SLC25A25: variants seen among roughly 807,000 people sequenced by gnomAD.
SLC25A25 encodes the protein solute carrier family 25 member 25, also known as mitochondrial adenyl nucleotide antiporter SLC25A25.
In SLC25A25, 32 loss-of-function variants were observed where a neutral mutation model predicts 57.7. That is an observed-to-expected ratio of 0.55 (90% CI 0.42 to 0.74). SLC25A25 has a LOEUF of 0.74. Among genes scored for constraint, SLC25A25 ranks in the 30% least tolerant of loss-of-function variants. SLC25A25 has a pLI of 0.00. For missense variants in SLC25A25, 556 were observed against 701.3 expected (o/e 0.79, Z 2.34); for synonymous variants, 306 against 291.2 (o/e 1.05, Z -0.52).
At chr9:128,098,767 C>T (rs374996908) in intron 1 of SLC25A25, 35 of 1,602,450 alleles carry the variant, frequency 2.2e-5, no homozygotes, top group South Asian at 6.7e-5. Context: ...CGCATTCAAC[C>T]GGTATTTGTT....
chr9:128,076,378 G>A (rs1440223323), intron 1 of SLC25A25, among the ~76,000 whole-genome samples: 2 of 151,904 alleles, frequency 1.3e-5, no homozygotes, highest in African/African-American at 2.4e-5. Flanking sequence ...TGATCCTCTC[G>A]CCTTGGCCTC....
At chr9:128,087,347 C>T (rs762831283) in intron 1 of SLC25A25, among the ~76,000 whole-genome samples, 4 of 152,018 alleles carry the variant, frequency 2.6e-5, no homozygotes, top group Non-Finnish European at 4.4e-5. Flanking sequence ...CTGCAACCTC[C>T]GCCTTTTGGG....
chr9:128,104,130 C>G (rs1235687674), intron 6 of SLC25A25, among the ~76,000 whole-genome samples: 1 of 152,156 alleles, frequency 6.6e-6, no homozygotes, highest in African/African-American at 2.4e-5. Flanking sequence ...TCTGTAAGTA[C>G]GTTTTGTGTA....
intron 1 of SLC25A25, among the ~76,000 whole-genome samples, chr9:128,088,894 GC>G (rs1320309784): frequency 1.3e-5 from 2 of 152,082 alleles, no homozygotes; most frequent in African/African-American, 4.8e-5. Context: ...GACTTTCTGT[GC>G]CTAAAAACAG....
chr9:128,106,008 G>A (rs1002160450), intron 7 of SLC25A25, 127 bp downstream of exon 7: 157 of 1,523,708 alleles, frequency 1.0e-4, no homozygotes, highest in East Asian at 2.9e-4. Context: ...ACAGCAGGGC[G>A]AGGCAGGAGG....
chr9:128,097,027 A>G (rs770618057), intron 1 of SLC25A25, among the ~76,000 whole-genome samples: 7 of 152,258 alleles, frequency 4.6e-5, no homozygotes, highest in Non-Finnish European at 1.0e-4. Flanking sequence ...GTGTGTAAGT[A>G]TCAACATCTT....
intron 1 of SLC25A25, among the ~76,000 whole-genome samples, chr9:128,081,440 T>C (rs1467897164): frequency 6.6e-6 from 1 of 152,170 alleles, no homozygotes; most frequent in Non-Finnish European, 1.5e-5. Flanking sequence ...ACAGGGTGGG[T>C]ACAACAAGTA....
intron 1 of SLC25A25, among the ~76,000 whole-genome samples, chr9:128,076,935 A>G (rs377146600): frequency 3.3e-5 from 5 of 152,248 alleles, no homozygotes; most frequent in East Asian, 3.9e-4. Context: ...CGCCCTTTCT[A>G]TTGTGAACCT....
intron 1 of SLC25A25, among the ~76,000 whole-genome samples, chr9:128,084,849 A>G (rs1833240638): frequency 6.6e-6 from 1 of 152,194 alleles, no homozygotes; most frequent in Admixed American, 6.6e-5. Flanking sequence ...TTATTTCTGC[A>G]GGTATTAACC....
intron 1 of SLC25A25, among the ~76,000 whole-genome samples, chr9:128,082,302 A>G (rs1400615299): frequency 6.6e-6 from 1 of 152,216 alleles, no homozygotes; most frequent in Non-Finnish European, 1.5e-5. Context: ...GTCATCTGCC[A>G]TACCTTAGTT....
At position 128,102,092 on chromosome 9, in the gene SLC25A25, C is replaced by T; in HGVS notation, c.489C>T (p.Gly163=). 6.4e-7 allele frequency: 1 copy of T among 1,550,610 alleles called. No individual in the cohort carries two copies. The highest frequency in any genetic ancestry group is 8.7e-7 in the Non-Finnish European group (1 of 1,146,990). ...GTCTGTCTGTCAGAATACGAACGGG[C>T]CATTTCTGGGGCCCTGTCACCTAGT... ...AEKILKRIRT[G]HFWGPVTYMD... is the part of the protein sequence containing the mutation. The change falls in exon 4 of 11, where the codon GGC becomes GGT. Residue 163 remains glycine (G), a synonymous_variant. Coordinates refer to ENST00000373069, the MANE Select transcript of SLC25A25 (RefSeq NM_001330988.2). This position sits in a 1 kb window ranked among gnomAD's most constrained non-coding sequence, Gnocchi z 4.1.
At chr9:128,091,308 A>G (rs1833397411) in intron 1 of SLC25A25, 1 of 409,090 alleles carries the variant, frequency 2.4e-6, no homozygotes, top group Non-Finnish European at 3.3e-6. Context: ...CTCCCTGCAG[A>G]ATTGCCGGGC....
chr9:128,101,466 G>A lies in SLC25A25; in HGVS notation c.476+70G>A, dbSNP rs540674086. 9.7e-5 allele frequency: 149 copies of A among 1,537,728 alleles called. 3 individuals carry two copies. In the South Asian group the frequency reaches 1.1e-3, roughly 12 times the overall value. On this transcript the variant is annotated intron_variant, in intron 3 of 10. Coordinates refer to ENST00000373069, the MANE Select transcript of SLC25A25 (RefSeq NM_001330988.2). The surrounding 1 kb of genome is among the most constrained non-coding windows in gnomAD (Gnocchi z 4.9). ...GGGAAGGCTCTGAGACTAACCCTCC[G>A]ATGCCATTCCCTGGGCTGACCCTGA...
rs183432658 is a variant in SLC25A25, at chr9:128,103,229, C to T, written c.625-452C>T. Among the ~76,000 whole-genome samples the T allele has an allele frequency of 2.2e-3, 335 of 152,322 alleles. 2 individuals carry two copies. Among genetic ancestry groups the T allele is most frequent in the Admixed American group, 0.011 (168 of 15,302 alleles). The stretch of plus-strand genomic sequence containing the variant: ...CCGGATGTCACCCGGAGAAAGGTTA[C>T]GCAGGCAGCGAGCCCTCGTGTTTGC... On this transcript the variant is annotated intron_variant, in intron 5 of 10. Transcript: ENST00000373069. The surrounding 1 kb of genome is among the most constrained non-coding windows in gnomAD (Gnocchi z 6.7).
intron 1 of SLC25A25, among the ~76,000 whole-genome samples, chr9:128,089,651 T>C (rs10819350): frequency 0.73 from 105,253 of 144,362 alleles, 40,120 homozygotes; most frequent in Non-Finnish European, 0.84. Context: ...TTTTTTTTTT[T>C]TGAGACAGGA....
At chr9:128,075,980 GC>G (rs1172143019) in intron 1 of SLC25A25, among the ~76,000 whole-genome samples, 20 of 152,178 alleles carry the variant, frequency 1.3e-4, no homozygotes, top group African/African-American at 4.1e-4. Context: ...CTGGGCTCAA[GC>G]GATCCTCTTA....
In SLC25A25 at chr9:128,108,419, A is replaced by G; in HGVS notation, c.*975A>G. The G allele has an allele frequency of 2.5e-6, 1 of 396,968 alleles. No individual in the cohort carries two copies. The highest frequency in any genetic ancestry group is 4.4e-6 in the Non-Finnish European group (1 of 225,280). 24.6% of individuals were successfully genotyped at this position (396,968 alleles called of 1,614,324 possible). ...AGCAGGAGCTTGGCTGACTGCTCAG[A>G]GTCTGTTCTGACGCCCTGGGGGTTC... On this transcript the variant is annotated 3_prime_UTR_variant, in exon 11 of 11. Coordinates refer to ENST00000373069, the MANE Select transcript of SLC25A25 (RefSeq NM_001330988.2).
intron 7 of SLC25A25, 66 bp from the exon 8 acceptor site, chr9:128,106,084 G>A (rs919509133): frequency 6.3e-7 from 1 of 1,597,762 alleles, no homozygotes; most frequent in Non-Finnish European, 8.6e-7. Flanking sequence ...CTCCTGGAAG[G>A]GAGGGGCAGC....
intron 1 of SLC25A25, among the ~76,000 whole-genome samples, chr9:128,075,473 A>G (rs1832990531): frequency 6.6e-6 from 1 of 152,022 alleles, no homozygotes; most frequent in African/African-American, 2.4e-5. Context: ...GCTTGAGCTC[A>G]GGAGTTCAAG....
Sources: allele counts gnomAD v4.1 joint callset (sites outside exome capture counted in the v4.1 genomes callset), GRCh38; gene constraint gnomAD v4.1.1; non-coding constraint Gnocchi (gnomAD v3.1); transcripts MANE v1.5; gene names NCBI Gene and HGNC (gene_info 2026-07-23, HGNC 2026-07-21).